Variants in L2HGDH observed in about 807,000 individuals in gnomAD.
L2HGDH encodes the protein L-2-hydroxyglutarate dehydrogenase, mitochondrial.
In L2HGDH, 34 loss-of-function variants were observed where a neutral mutation model predicts 51.5. That is an observed-to-expected ratio of 0.66 (90% CI 0.50 to 0.88). The LOEUF (loss-of-function observed/expected upper bound fraction) is 0.88, where lower values mean the gene tolerates loss of function less well. Ranked by LOEUF, L2HGDH falls within the 40% of genes least tolerant of loss-of-function variation. The pLI, the probability that L2HGDH is intolerant of heterozygous loss-of-function variation, is 0.00. For missense variants in L2HGDH, 558 were observed against 571.9 expected (o/e 0.98, Z 0.25); for synonymous variants, 198 against 197.9 (o/e 1.00, Z -0.01).
At chr14:50,286,884 T>C (rs558822024) in intron 4 of L2HGDH, among the ~76,000 whole-genome samples, 1 of 152,312 alleles carries the variant, frequency 6.6e-6, no homozygotes, top group Non-Finnish European at 1.5e-5. Flanking sequence ...TCAGAATACT[T>C]ATCACTATAT....
chr14:50,303,059 T>C, intron 1 of L2HGDH, 42 bp from the exon 2 acceptor site: 2 of 1,224,742 alleles, frequency 1.6e-6, no homozygotes, highest in East Asian at 4.7e-5. Context: ...ATATTTACAG[T>C]AGACCTCGCC....
At chr14:50,280,081 G>A (rs1358465422) in intron 5 of L2HGDH, among the ~76,000 whole-genome samples, 4 of 139,252 alleles carry the variant, frequency 2.9e-5, no homozygotes, top group African/African-American at 7.9e-5. Context: ...AAAAAAAAAA[G>A]AAATATACAA....
At position 50,259,366 on chromosome 14, in the gene L2HGDH, G is replaced by GGTTTTT. The variant is rs759718499; in HGVS notation, c.1196+5991_1196+5992insAAAAAC. ...TTCTTTCTGTTTTTTTTCTTTTTCG[G>GGTTTTT]TTTTTTTTTTTTTTTTTTCAGAAAT... On this transcript the variant is annotated intron_variant, in intron 9 of 9. Transcript: ENST00000267436. 1.8e-4 allele frequency among the ~76,000 whole-genome samples: 23 copies of GGTTTTT among 130,692 alleles called. 2 individuals are homozygous for GGTTTTT. The highest frequency in any genetic ancestry group is 3.4e-4 in the Admixed American group (4 of 11,918). The allele number at this position is 130,692 out of a possible 152,430, so 85.7% of individuals were successfully genotyped here.
Position 50,267,813 on chromosome 14 carries a change from C to T in L2HGDH, c.1004G>A (p.Arg335Gln), listed in dbSNP as rs779733566. 2.9e-5 allele frequency: 47 copies of T among 1,613,590 alleles called. No individual in the cohort carries two copies. The highest frequency in any genetic ancestry group is 6.7e-5 in the Admixed American group (4 of 60,008). ...LGPNAVLAFK[R>Q]EGYRPFDFSA... The stretch of plus-strand genomic sequence containing the variant: ...GAAGTCAAAGGGTCTGTAACCCTCT[C>T]GTTTAAAGGCAAGAACTGCATTAGG... Residue 335 changes from arginine to glutamine, a missense_variant, in exon 8 of 10, where the codon CGA (arginine) becomes CAA (glutamine). Arg to Gln is a conservative substitution (Grantham distance 43, BLOSUM62 1). Coordinates refer to ENST00000267436, the MANE Select transcript of L2HGDH (RefSeq NM_024884.3).
chr14:50,290,058 G>T (rs967411835), intron 4 of L2HGDH, among the ~76,000 whole-genome samples: 1 of 152,120 alleles, frequency 6.6e-6, no homozygotes, highest in Non-Finnish European at 1.5e-5. Context: ...GAGGTCAGGA[G>T]ATCAAGACCA....
chr14:50,261,066 G>A (rs777415868), intron 9 of L2HGDH, among the ~76,000 whole-genome samples: 8 of 151,860 alleles, frequency 5.3e-5, no homozygotes, highest in South Asian at 2.1e-4. Context: ...GCAGTGAGCC[G>A]AGATGGCACC....
chr14:50,302,749 T>A (rs909433586), intron 2 of L2HGDH, among the ~76,000 whole-genome samples, 153 bp downstream of exon 2: 3 of 152,010 alleles, frequency 2.0e-5, no homozygotes, highest in Non-Finnish European at 4.4e-5. Context: ...CTTTAACCTC[T>A]CAAATAACCT....
intron 4 of L2HGDH, among the ~76,000 whole-genome samples, chr14:50,289,648 C>T (rs1454372310): frequency 6.6e-6 from 1 of 152,036 alleles, no homozygotes; most frequent in Non-Finnish European, 1.5e-5. Flanking sequence ...CAAACAAAAC[C>T]AATTTGAATT....
At chr14:50,297,418 A>G (rs2139201190) in intron 3 of L2HGDH, among the ~76,000 whole-genome samples, 1 of 152,316 alleles carries the variant, frequency 6.6e-6, no homozygotes, top group African/African-American at 2.4e-5. Flanking sequence ...ATGAGTTCAG[A>G]AAGGTCACTG....
At chr14:50,268,216 TAA>T (rs1383628328) in intron 7 of L2HGDH, among the ~76,000 whole-genome samples, 1 of 151,654 alleles carries the variant, frequency 6.6e-6, no homozygotes, top group Non-Finnish European at 1.5e-5. Flanking sequence ...CCATCTCTAC[TAA>T]AAATACAAAA....
chr14:50,290,462 C>G (rs1391760871), intron 4 of L2HGDH, among the ~76,000 whole-genome samples: 1 of 152,142 alleles, frequency 6.6e-6, no homozygotes, highest in Non-Finnish European at 1.5e-5. Flanking sequence ...TCAAGTCCTT[C>G]GGTAGCTATC....
At chr14:50,289,585 T>C (rs1890758644) in intron 4 of L2HGDH, among the ~76,000 whole-genome samples, 2 of 152,158 alleles carry the variant, frequency 1.3e-5, no homozygotes, top group African/African-American at 4.8e-5. Flanking sequence ...GAGGCTGGCT[T>C]TATAGGCAGA....
chr14:50,243,615 A>G lies in L2HGDH; in HGVS notation c.*3443T>C, dbSNP rs1887880182. 1.3e-6 allele frequency: 1 copy of G among 793,310 alleles called. No homozygotes were observed. Among genetic ancestry groups the G allele is most frequent in the Non-Finnish European group, 1.5e-6 (1 of 655,682 alleles). The allele number at this position is 793,310 out of a possible 1,614,324, so 49.1% of individuals were successfully genotyped here. ...GTTTTACAAGCAGAATAACCTACAT[A>G]TTCAAAACACTTTCAACAAATTTTT... On this transcript the variant is annotated 3_prime_UTR_variant, in exon 10 of 10. Coordinates refer to ENST00000267436, the MANE Select transcript of L2HGDH (RefSeq NM_024884.3).
rs1162921684 is a variant in L2HGDH at position 50,244,615 on chromosome 14, T to C, written c.*2443A>G. 3 of 985,336 alleles carry C rather than the reference T, an allele frequency of 3.0e-6. No individual in the cohort carries two copies. Among genetic ancestry groups the C allele is most frequent in the Non-Finnish European group, 3.6e-6 (3 of 829,942 alleles). 61.0% of individuals were successfully genotyped at this position (985,336 alleles called of 1,614,324 possible). On this transcript the variant is annotated 3_prime_UTR_variant, in exon 10 of 10. Transcript: ENST00000267436. ...CATTGATATCTGAATGCTTTTAATA[T>C]ACTCATCCTAAGAGTTGAATAATGG...
At chr14:50,307,992 ACT>A (rs771151889) in intron 1 of L2HGDH, among the ~76,000 whole-genome samples, 5 of 152,336 alleles carry the variant, frequency 3.3e-5, no homozygotes, top group African/African-American at 1.2e-4. Flanking sequence ...CTGCAAAAAG[ACT>A]CTGTTAAGAG....
At chr14:50,268,509 C>T (rs981439148) in intron 7 of L2HGDH, among the ~76,000 whole-genome samples, 2 of 151,370 alleles carry the variant, frequency 1.3e-5, no homozygotes, top group Admixed American at 6.6e-5. Context: ...CTCGGTCTTT[C>T]ACAAGGGATG....
intron 1 of L2HGDH, among the ~76,000 whole-genome samples, chr14:50,303,998 A>G (rs901743551): frequency 5.9e-5 from 9 of 152,046 alleles, no homozygotes; most frequent in Admixed American, 4.6e-4. Context: ...AGGTTCTAAG[A>G]AATGCATTGG....
chr14:50,260,262 G>A lies in L2HGDH; in HGVS notation c.1196+5096C>T, dbSNP rs560060722. On this transcript the variant is annotated intron_variant, in intron 9 of 9. Coordinates refer to ENST00000267436, the MANE Select transcript of L2HGDH (RefSeq NM_024884.3). ...TTCTTCTGAGGGTATAGCCTTTCAA[G>A]AGCCCCTAGGGGGCCTTACATTAGA... Among the ~76,000 whole-genome samples, 5 of 151,472 alleles carry A rather than the reference G, an allele frequency of 3.3e-5. No individual in the cohort carries two copies. In the East Asian group the frequency reaches 7.7e-4, roughly 23 times the overall value.
chr14:50,294,351 G>A lies in L2HGDH; in HGVS notation c.409-105C>T, dbSNP rs1040284174. On this transcript the variant is annotated intron_variant, in intron 3 of 9. Coordinates refer to ENST00000267436, the MANE Select transcript of L2HGDH (RefSeq NM_024884.3). The stretch of plus-strand genomic sequence containing the variant: ...ATCAACTATTGTATGACCCAAAGGA[G>A]GTTAATTTTTTAAAATTATTTTTTC... 38 of 1,105,100 alleles carry A rather than the reference G, an allele frequency of 3.4e-5. 1 individual carries two copies. The highest frequency in any genetic ancestry group is 9.6e-5 in the African/African-American group (6 of 62,218). 68.5% of individuals were successfully genotyped at this position (1,105,100 alleles called of 1,614,324 possible).
Sources: gnomAD v4.1 joint callset for allele counts (sites outside exome capture counted in the v4.1 genomes callset) on GRCh38, gnomAD v4.1.1 for gene constraint, MANE v1.5 for transcripts, NCBI Gene and HGNC (gene_info 2026-07-23, HGNC 2026-07-21) for gene names.